LTBP4: variants seen among roughly 807,000 people sequenced by gnomAD.
The protein encoded by LTBP4 is latent transforming growth factor beta binding protein 4, also known as latent-transforming growth factor beta-binding protein 4.
Under a neutral mutation model 180.2 loss-of-function variants are expected in LTBP4, and 93 were observed. That is an observed-to-expected ratio of 0.52 (90% CI 0.44 to 0.61). The LOEUF (loss-of-function observed/expected upper bound fraction) is 0.61, where lower values mean the gene tolerates loss of function less well. Ranked by LOEUF, LTBP4 falls within the 20% of genes least tolerant of loss-of-function variation. The probability of loss-of-function intolerance (pLI) is 0.00; values close to 1 mark genes in which losing one functional copy is unlikely to be tolerated. For missense variants in LTBP4, 2,116 were observed against 2,256.5 expected (o/e 0.94, Z 1.26); for synonymous variants, 947 against 934.5 (o/e 1.01, Z -0.24).
chr19:40,601,274 A>AG (rs908384810), upstream of LTBP4: 16 of 807,314 alleles, frequency 2.0e-5, no homozygotes, highest in South Asian at 1.7e-4. Context: ...AGTGGTGAGG[A>AG]GGGGGGGCCT....
upstream of LTBP4, among the ~76,000 whole-genome samples, chr19:40,596,492 G>C (rs112702141): frequency 7.5e-4 from 113 of 151,388 alleles, 2 homozygotes; most frequent in African/African-American, 2.7e-3. Flanking sequence ...GGTGCAGGAG[G>C]GGGCAGAGCC....
chr19:40,608,173 T>C, intron 7 of LTBP4, 47 bp from the exon 8 acceptor site: 1 of 1,610,682 alleles, frequency 6.2e-7, no homozygotes, highest in African/African-American at 1.3e-5. Context: ...GCCATCGTTT[T>C]CTTCCCGCTC....
At chr19:40,597,155 C>G (rs941665739), upstream of LTBP4, 2 of 870,660 alleles carry the variant, frequency 2.3e-6, no homozygotes, top group Non-Finnish European at 3.0e-6. Context: ...GGGGCGGGGG[C>G]GGGGGCAGGG....
At position 40,605,026 on chromosome 19, in the gene LTBP4, T is replaced by G. The variant is rs1332572588; in HGVS notation, c.251-9T>G. ...GTGGCGCCCCTGAGTGTCCTCGTTC[T>G]CCTCCCAGTCCTGTGTCCCTTGATC... On this transcript the variant is annotated splice_polypyrimidine_tract_variant and intron_variant, in intron 1 of 29. Transcript: ENST00000396819. The surrounding 1 kb of genome is among the most constrained non-coding windows in gnomAD (Gnocchi z 5.5). 2.3e-5 allele frequency: 37 copies of G among 1,599,758 alleles called. No individual in the cohort carries two copies. The highest frequency in any genetic ancestry group is 1.0e-4 in the Admixed American group (6 of 58,942).
Position 40,610,650 on chromosome 19 carries a change from C to T in LTBP4, c.1803C>T (p.Ser601=). 1 of 1,582,188 alleles carries T rather than the reference C, an allele frequency of 6.3e-7. No individual in the cohort carries two copies. The highest frequency in any genetic ancestry group is 8.6e-7 in the Non-Finnish European group (1 of 1,167,986). Residue 601 remains serine, a synonymous_variant, in exon 12 of 30, where the codon AGC becomes AGT. Coordinates refer to ENST00000396819, the MANE Select transcript of LTBP4 (RefSeq NM_001042545.2). Reference sequence around the variant, plus strand: ...ACCAGGCTGCACCGCACGGAGCCAGCTGCCAGGGTGAGGGCCTGGGAGGGG... The same window carrying T: ...ACCAGGCTGCACCGCACGGAGCCAGTTGCCAGGGTGAGGGCCTGGGAGGGG... ...AGYQAAPHGA[S]CQDVDECTQS...
intron 26 of LTBP4, among the ~76,000 whole-genome samples, chr19:40,625,285 TATATATATATATATATATATATA>T (rs2081620887): frequency 3.2e-4 from 3 of 9,284 alleles, no homozygotes; most frequent in African/African-American, 1.4e-3. Flanking sequence ...TATATATATA[TATATATATATATATATATATATA>T]TATATATATT....
In LTBP4 at chr19:40,622,513, G is replaced by C. The variant is rs767500087; in HGVS notation, c.3330G>C (p.Gly1110=). ...GCACACCTAGGCAGGGCCCTGTGGG[G>C]AGTGGGCGCCGGGAGTGCTACTTTG... ...RPSTPRQGPV[G]SGRRECYFDT... is the part of the protein sequence containing the mutation. Residue 1110 remains glycine, a synonymous_variant, in exon 23 of 30, where the codon GGG becomes GGC. Coordinates refer to ENST00000396819, the MANE Select transcript of LTBP4 (RefSeq NM_001042545.2). The surrounding 1 kb of genome is among the most constrained non-coding windows in gnomAD (Gnocchi z 5.1). 1 of 1,613,670 alleles carries C rather than the reference G, an allele frequency of 6.2e-7. No homozygotes were observed. Among genetic ancestry groups the C allele is most frequent in the South Asian group, 1.1e-5 (1 of 91,064 alleles).
chr19:40,599,182 C>T, upstream of LTBP4: 4 of 1,599,678 alleles, frequency 2.5e-6, no homozygotes, highest in Non-Finnish European at 2.6e-6. Context: ...GTGACTTCCA[C>T]TCCACTATTT....
upstream of LTBP4, chr19:40,599,300 A>G (rs1599856902): frequency 6.2e-7 from 1 of 1,613,270 alleles, no homozygotes; most frequent in East Asian, 2.2e-5. Flanking sequence ...AAAAGGGAAT[A>G]GGAGGAGAGG....
At chr19:40,600,221 C>A, upstream of LTBP4, 1 of 1,158,428 alleles carries the variant, frequency 8.6e-7, no homozygotes, top group Non-Finnish European at 1.1e-6. The surrounding 1 kb of genome is among the most constrained non-coding windows in gnomAD (Gnocchi z 4.4). Flanking sequence ...AGGGGGGTTC[C>A]GGGCCAGATA....
intron 15 of LTBP4, 78 bp from the exon 16 acceptor site, chr19:40,612,987 C>A: frequency 6.8e-7 from 1 of 1,478,198 alleles, no homozygotes; most frequent in Non-Finnish European, 9.3e-7. Context: ...ACCACCTCCC[C>A]CAGACACCCT....
intron 19 of LTBP4, among the ~76,000 whole-genome samples, chr19:40,615,137 A>G (rs1162133307): frequency 8.1e-6 from 1 of 123,804 alleles, no homozygotes. Flanking sequence ...GTCAGGCTCC[A>G]GCGAGGCAGG....
chr19:40,615,120 C>G (rs1243483726), intron 19 of LTBP4, among the ~76,000 whole-genome samples: 1 of 146,378 alleles, frequency 6.8e-6, no homozygotes, highest in African/African-American at 2.6e-5. Context: ...TCTTTCACCC[C>G]TCCCGGGTCA....
At chr19:40,615,195 G>GGGTGGC (rs202156802) in intron 19 of LTBP4, 1 of 125,452 alleles carries the variant, frequency 8.0e-6, no homozygotes, top group Non-Finnish European at 1.7e-5. Flanking sequence ...TGTGTCGGCG[G>GGGTGGC]GGGGGGGGGG....
chr19:40,615,683 G>A (rs991023420), intron 19 of LTBP4, among the ~76,000 whole-genome samples: 10 of 152,148 alleles, frequency 6.6e-5, no homozygotes, highest in African/African-American at 1.2e-4. Context: ...GCTTGAACCC[G>A]GGAGGCGGAG....
chr19:40,610,137 C>T, intron 11 of LTBP4: 1 of 527,426 alleles, frequency 1.9e-6, no homozygotes, highest in Non-Finnish European at 3.3e-6. Flanking sequence ...CGCCCAGGCC[C>T]CGCCCTTATT....
rs606231161 is a variant in LTBP4, at chr19:40,627,020, G to GC, written c.4037dup (p.Arg1347AlafsTer27). 5.6e-6 allele frequency: 9 copies of GC among 1,599,258 alleles called. No homozygotes were observed. Among genetic ancestry groups the GC allele is most frequent in the South Asian group, 3.3e-5 (3 of 89,818 alleles). ...AATGTGCTACGCCCCCCCGCATATA[G>GC]CCCCCCGCGACCAGGTGGCTTTGGA... is the stretch of plus-strand genomic sequence containing the variant. On this transcript the variant is annotated frameshift_variant, in exon 28 of 30. Coordinates refer to ENST00000396819, the MANE Select transcript of LTBP4 (RefSeq NM_001042545.2). LOFTEE classifies it high-confidence loss of function.
chr19:40,627,241 G>C lies in LTBP4; in HGVS notation c.4252G>C (p.Glu1418Gln), dbSNP rs767420367. 4.4e-6 allele frequency: 7 copies of C among 1,595,940 alleles called. No homozygotes were observed. In the East Asian group the frequency reaches 1.4e-4, roughly 31 times the overall value. ...TGAGGACGATGGTGGCCCCTATGGC[G>C]AATCTGAGGCTCCTGCGCCACCTGG... The part of the protein sequence containing the change: ...DFEDDGGPYG[E>Q]SEAPAPPGPG... Residue 1418 changes from glutamate (E) to glutamine (Q), a missense_variant, in exon 28 of 30, where the codon GAA becomes CAA. Coordinates refer to ENST00000396819, the MANE Select transcript of LTBP4 (RefSeq NM_001042545.2).
At chr19:40,610,897 G>T (rs963161346) in intron 12 of LTBP4, 9 of 726,954 alleles carry the variant, frequency 1.2e-5, no homozygotes, top group African/African-American at 1.8e-5. Context: ...GAGGGATGGA[G>T]ATGTCAGTAA....
Sources: gnomAD v4.1 joint callset for allele counts (sites outside exome capture counted in the v4.1 genomes callset) on GRCh38, gnomAD v4.1.1 for gene constraint, Gnocchi (gnomAD v3.1) non-coding constraint, MANE v1.5 for transcripts, NCBI Gene and HGNC (gene_info 2026-07-23, HGNC 2026-07-21) for gene names.